CBLB: variants seen among roughly 807,000 people sequenced by gnomAD.
The protein encoded by CBLB is E3 ubiquitin-protein ligase CBL-B.
A neutral mutation model predicts 104.9 loss-of-function variants in CBLB; 31 were observed. That is an observed-to-expected ratio of 0.30 (90% CI 0.22 to 0.40). CBLB has a LOEUF of 0.40. CBLB is among the 10% of genes least tolerant of loss of function. The pLI, the probability that CBLB is intolerant of heterozygous loss-of-function variation, is 1.00. For missense variants in CBLB, 1,062 were observed against 1,214.6 expected, an observed-to-expected ratio of 0.87 and a Z score of 1.87; for synonymous variants, 440 against 422.6, an observed-to-expected ratio of 1.04 and a Z score of -0.51.
intron 2 of CBLB, among the ~76,000 whole-genome samples, chr3:105,863,134 T>C (rs1021731127): frequency 2.6e-5 from 4 of 152,246 alleles, no homozygotes; most frequent in Non-Finnish European, 4.4e-5. Flanking sequence ...AAAAGACTAC[T>C]AACTGATTAA....
At chr3:105,804,739 C>A (rs1054990096) in intron 3 of CBLB, among the ~76,000 whole-genome samples, 2 of 151,820 alleles carry the variant, frequency 1.3e-5, no homozygotes, top group Non-Finnish European at 2.9e-5. Context: ...AGTTCACCAG[C>A]TCCCAACATC....
At chr3:105,677,350 T>TAAAAAAAAAA (rs59169680) in intron 17 of CBLB, among the ~76,000 whole-genome samples, 2 of 108,756 alleles carry the variant, frequency 1.8e-5, no homozygotes, top group African/African-American at 3.2e-5. Context: ...TCAAACCAAG[T>TAAAAAAAAAA]AAAAAAAAAA....
intron 17 of CBLB, chr3:105,672,135 C>A (rs537704614): frequency 5.8e-4 from 111 of 192,020 alleles, no homozygotes; most frequent in Middle Eastern, 5.6e-3. Flanking sequence ...TATTTCTTTA[C>A]GGGAAATTTA....
intron 4 of CBLB, among the ~76,000 whole-genome samples, chr3:105,758,595 C>T (rs1322270748): frequency 3.3e-5 from 5 of 152,248 alleles, no homozygotes; most frequent in African/African-American, 1.2e-4. Flanking sequence ...CCCACACCTG[C>T]CAAGGACGAG....
At chr3:105,769,380 A>T (rs2078601954) in intron 4 of CBLB, among the ~76,000 whole-genome samples, 1 of 152,130 alleles carries the variant, frequency 6.6e-6, no homozygotes, top group Admixed American at 6.5e-5. Context: ...AAAACACAAA[A>T]ATAAGTAAGA....
At chr3:105,674,813 T>G (rs934125091) in intron 17 of CBLB, among the ~76,000 whole-genome samples, 1 of 152,190 alleles carries the variant, frequency 6.6e-6, no homozygotes, top group Non-Finnish European at 1.5e-5. Flanking sequence ...TGAGGGCTCA[T>G]GTACAGCTGT....
At chr3:105,786,061 C>CAGGG (rs1553794620) in intron 3 of CBLB, among the ~76,000 whole-genome samples, 1 of 79,200 alleles carries the variant, frequency 1.3e-5, no homozygotes, top group Non-Finnish European at 2.7e-5. Flanking sequence ...GTGAGAGGAT[C>CAGGG]GGGGGGGGGA....
intron 3 of CBLB, among the ~76,000 whole-genome samples, chr3:105,799,093 A>G (rs1311503664): frequency 6.6e-6 from 1 of 152,088 alleles, no homozygotes; most frequent in Admixed American, 6.6e-5. Context: ...AATGTTTAAC[A>G]ATGACCAGAA....
At chr3:105,719,582 G>A (rs1163013976) in intron 10 of CBLB, among the ~76,000 whole-genome samples, 2 of 152,190 alleles carry the variant, frequency 1.3e-5, no homozygotes, top group East Asian at 1.9e-4. Flanking sequence ...TGATGCTGGT[G>A]TAAACAAACC....
chr3:105,692,399 A>C (rs1260284209), intron 13 of CBLB, among the ~76,000 whole-genome samples: 1 of 152,214 alleles, frequency 6.6e-6, no homozygotes, highest in Non-Finnish European at 1.5e-5. Flanking sequence ...AGTAGGAAAT[A>C]AACTGCAGGA....
intron 10 of CBLB, 78 bp downstream of exon 10, chr3:105,719,969 C>T (rs756513791): frequency 1.1e-5 from 12 of 1,086,398 alleles, no homozygotes; most frequent in Non-Finnish European, 1.6e-5. Context: ...TACGCTGAGT[C>T]ATACTCCATT....
chr3:105,778,186 A>T (rs2079711240), intron 3 of CBLB, among the ~76,000 whole-genome samples: 1 of 152,044 alleles, frequency 6.6e-6, no homozygotes, highest in African/African-American at 2.4e-5. Flanking sequence ...TTAGGACTCA[A>T]TAAAAATATA....
chr3:105,751,174 T>C (rs1368286122), intron 5 of CBLB, among the ~76,000 whole-genome samples: 2 of 152,180 alleles, frequency 1.3e-5, no homozygotes, highest in Admixed American at 6.5e-5. Context: ...AGAAACTAAG[T>C]AGAGAGTTTA....
chr3:105,716,480 A>G (rs1446393628), intron 10 of CBLB, among the ~76,000 whole-genome samples: 7 of 152,354 alleles, frequency 4.6e-5, no homozygotes, highest in African/African-American at 1.7e-4. Context: ...AGAAGTACAT[A>G]TAAAATACTA....
intron 3 of CBLB, among the ~76,000 whole-genome samples, chr3:105,816,929 T>C (rs1174960552): frequency 1.3e-5 from 2 of 152,126 alleles, no homozygotes; most frequent in African/African-American, 4.8e-5. Context: ...TACATCAGTA[T>C]GCATGCTATT....
At chr3:105,694,537 C>G (rs1229617321) in intron 12 of CBLB, among the ~76,000 whole-genome samples, 1 of 151,788 alleles carries the variant, frequency 6.6e-6, no homozygotes, top group Non-Finnish European at 1.5e-5. Context: ...CTAGATAATT[C>G]AGTCAAGGAC....
At chr3:105,764,611 A>G (rs558407832) in intron 4 of CBLB, among the ~76,000 whole-genome samples, 2 of 152,312 alleles carry the variant, frequency 1.3e-5, no homozygotes, top group South Asian at 4.1e-4. Context: ...TAGGCCAAAT[A>G]GTAACCCTAA....
intron 3 of CBLB, among the ~76,000 whole-genome samples, chr3:105,814,950 C>G (rs2084818946): frequency 8.0e-6 from 1 of 125,782 alleles, no homozygotes; most frequent in Non-Finnish European, 1.6e-5. Flanking sequence ...ATCTCCTGCC[C>G]CTGTGTCTCA....
chr3:105,829,703 C>CAAAAAAAAAAAAAAA (rs1553844797), intron 3 of CBLB, among the ~76,000 whole-genome samples: 2 of 60,104 alleles, frequency 3.3e-5, no homozygotes, highest in African/African-American at 5.4e-5. Context: ...AAAAAAAAAC[C>CAAAAAAAAAAAAAAA]AAACTGCAGC....
Sources: gnomAD v4.1 joint callset for allele counts (sites outside exome capture counted in the v4.1 genomes callset) on GRCh38, gnomAD v4.1.1 for gene constraint, MANE v1.5 for transcripts, NCBI Gene and HGNC (gene_info 2026-07-23, HGNC 2026-07-21) for gene names.